The following PCDHA9 variants were observed in gnomAD, a reference collection of about 807,000 sequenced individuals.
PCDHA9 encodes protocadherin alpha-9.
Under a neutral mutation model 62.0 loss-of-function variants are expected in PCDHA9, and 62 were observed. The observed-to-expected ratio is 1.00, with a 90% CI of 0.81 to 1.23. The LOEUF (loss-of-function observed/expected upper bound fraction) is 1.23, where lower values mean the gene tolerates loss of function less well. Among genes scored for constraint, PCDHA9 ranks in the 50% most tolerant of loss-of-function variants. The probability of loss-of-function intolerance (pLI) is 0.00; values close to 1 mark genes in which losing one functional copy is unlikely to be tolerated. For synonymous variants in PCDHA9, 557 were observed against 567.6 expected (o/e 0.98, Z 0.27); for missense variants, 1,205 against 1,249.8 (o/e 0.96, Z 0.54).
intron 1 of PCDHA9, among the ~76,000 whole-genome samples, chr5:140,910,102 A>G (rs1206018595): frequency 2.6e-5 from 4 of 152,184 alleles, no homozygotes; most frequent in African/African-American, 9.7e-5. Context: ...CCTCCCCTTC[A>G]TTTAAGGGAT....
chr5:140,969,781 A>G (rs1017019880), intron 1 of PCDHA9, among the ~76,000 whole-genome samples: 3 of 152,336 alleles, frequency 2.0e-5, no homozygotes, highest in East Asian at 1.9e-4. Flanking sequence ...AGGGGCTATC[A>G]TAGTCACCAC....
At chr5:140,871,228 CTCCTGG>C in intron 1 of PCDHA9, 1 of 1,613,938 alleles carries the variant, frequency 6.2e-7, no homozygotes, top group Non-Finnish European at 8.5e-7. Context: ...GGTGTCCAGC[CTCCTGG>C]TACTCACGCT....
rs1439259875 is a variant in PCDHA9 at position 141,011,882 on chromosome 5, GATTA to G, written c.*1950_*1953del. On this transcript the variant is annotated 3_prime_UTR_variant, in exon 4 of 4. Coordinates refer to ENST00000532602, the MANE Select transcript of PCDHA9 (RefSeq NM_031857.2). ...GTTATAATGTACAATTTAGAAGTTTGATTAATTATATTATCTATTTAGGCATTAA... is the reference window on the plus strand; with the variant it reads ...GTTATAATGTACAATTTAGAAGTTTGATTATATTATCTATTTAGGCATTAA... 2.0e-5 allele frequency: 3 copies of G among 153,360 alleles called. No homozygotes were observed. Among genetic ancestry groups the G allele is most frequent in the Non-Finnish European group, 4.4e-5 (3 of 68,010 alleles). 9.5% of individuals were successfully genotyped at this position (153,360 alleles called of 1,614,324 possible).
rs781930086 is a variant in PCDHA9, at chr5:140,857,347, G to C, written c.2394+6458G>C. On this transcript the variant is annotated intron_variant, in intron 1 of 3. Coordinates refer to ENST00000532602, the MANE Select transcript of PCDHA9 (RefSeq NM_031857.2). The stretch of plus-strand genomic sequence containing the variant: ...CCGCGCGGGACGGGGGCTCGCCTCC[G>C]CTGTGGGCCACGGCCAGCGTGTCTG... 2.9e-5 allele frequency: 46 copies of C among 1,598,352 alleles called. 5 individuals are homozygous for C. In the Admixed American group the frequency reaches 3.4e-4, roughly 12 times the overall value.
In PCDHA9 at chr5:140,849,563, G is replaced by T. The variant is rs2150440707; in HGVS notation, c.1068G>T (p.Ser356=). 1 of 1,598,488 alleles carries T rather than the reference G, an allele frequency of 6.3e-7. No homozygotes were observed. The highest frequency in any genetic ancestry group is 8.6e-7 in the Non-Finnish European group (1 of 1,167,902). The part of the protein sequence containing the change: ...NAPQLTIKTL[S]VPVKEDAQLG... ...CACAGTTGACTATCAAAACGCTCTC[G>T]GTTCCTGTAAAAGAGGACGCACAAC... Residue 356 remains serine, a synonymous_variant, in exon 1 of 4, where the codon TCG becomes TCT. Coordinates refer to ENST00000532602, the MANE Select transcript of PCDHA9 (RefSeq NM_031857.2).
intron 1 of PCDHA9, among the ~76,000 whole-genome samples, chr5:140,915,626 G>GTCTCTC (rs57920489): frequency 0.011 from 1,557 of 146,506 alleles, 25 homozygotes; most frequent in African/African-American, 0.018. Flanking sequence ...GTCTCTTTCT[G>GTCTCTC]TCTCTCTCTC....
intron 1 of PCDHA9, chr5:140,854,002 A>G: frequency 2.5e-6 from 1 of 395,852 alleles, no homozygotes; most frequent in Non-Finnish European, 3.5e-6. Flanking sequence ...ATCTCTGCCA[A>G]AAAAAAAAAA....
Position 140,849,982 on chromosome 5 carries a change from A to T in PCDHA9, c.1487A>T (p.Glu496Val), listed in dbSNP as rs2150461317. 1.9e-6 allele frequency: 3 copies of T among 1,597,430 alleles called. No homozygotes were observed. The highest frequency in any genetic ancestry group is 2.6e-6 in the Non-Finnish European group (3 of 1,167,836). Residue 496 changes from glutamate (E) to valine (V), a missense_variant, in exon 1 of 4, where the codon GAG (glutamate) becomes GTG (valine). Glu to Val is a moderately radical substitution (Grantham distance 121). Around this residue, in one of 3 missense-constraint regions of PCDHA9, gnomAD observed 887 missense variants for 809.5 expected, o/e 1.10. Coordinates refer to ENST00000532602, the MANE Select transcript of PCDHA9 (RefSeq NM_031857.2). ...GCCCTGGTGTCCTACTCGCTGGTGG[A>T]GCGGCGGTTGGGCGAGCGCTCGCTG... ...ENALVSYSLV[E>V]RRLGERSLSS...
At chr5:140,883,240 C>G in intron 1 of PCDHA9, 1 of 1,613,998 alleles carries the variant, frequency 6.2e-7, no homozygotes, top group Non-Finnish European at 8.5e-7. Context: ...AGGCAGTTGA[C>G]AAAGGAAATA....
chr5:140,926,972 C>T (rs782504064), intron 1 of PCDHA9: 1 of 1,609,464 alleles, frequency 6.2e-7, no homozygotes. Context: ...TACTCAGTGC[C>T]GGAGGAGACG....
At chr5:140,958,998 C>T (rs868985322) in intron 1 of PCDHA9, among the ~76,000 whole-genome samples, 5 of 151,906 alleles carry the variant, frequency 3.3e-5, no homozygotes, top group South Asian at 2.1e-4. Flanking sequence ...TAATCTTTTA[C>T]TGTACCTAAT....
At chr5:140,968,673 A>G in intron 1 of PCDHA9, 2 of 1,614,168 alleles carry the variant, frequency 1.2e-6, no homozygotes, top group Non-Finnish European at 1.7e-6. Context: ...TTTAAGGTAG[A>G]GCTGCACACA....
rs545348313 is a variant in PCDHA9, at chr5:140,968,526, C to T, written c.2395-10423C>T. ...ATTCTGTACCCTACCTCAACCAACTCGTCAGCAGCCTTCGAGATGGTGCCT... is the reference window on the plus strand; with the variant it reads ...ATTCTGTACCCTACCTCAACCAACTTGTCAGCAGCCTTCGAGATGGTGCCT... On this transcript the variant is annotated intron_variant, in intron 1 of 3. Transcript: ENST00000532602. 9.9e-6 allele frequency: 16 copies of T among 1,614,200 alleles called. No individual in the cohort carries two copies. The Admixed American group carries it at 1.3e-4, about 13-fold the overall frequency.
intron 1 of PCDHA9, chr5:140,966,748 T>G: frequency 1.4e-6 from 2 of 1,426,956 alleles, no homozygotes; most frequent in Non-Finnish European, 1.8e-6. Flanking sequence ...CCCGGCTGCC[T>G]CCGCCGCGGC....
chr5:140,849,199 A>T lies in PCDHA9; in HGVS notation c.704A>T (p.Asn235Ile), dbSNP rs1581177103. 9.6e-7 allele frequency: 1 copy of T among 1,039,344 alleles called. No homozygotes were observed. Among genetic ancestry groups the T allele is most frequent in the African/African-American group, 2.0e-5 (1 of 49,848 alleles). 64.4% of individuals were successfully genotyped at this position (1,039,344 alleles called of 1,614,324 possible). A position where few individuals can be genotyped will look rare whatever the true frequency, so the allele number is the denominator to read the frequency against. ...CAATTACTCATCACGGTACTGGACA[A>T]CAATGACAATGCCCCAGTGTTCGAC... ...TVQLLITVLDNNDNAPVFDRT... is the reference protein window; with the variant it reads ...TVQLLITVLDINDNAPVFDRT... The change falls in exon 1 of 4, where the codon AAC (asparagine) becomes ATC (isoleucine). Residue 235 changes from asparagine to isoleucine, a missense_variant. Physicochemically the swap from Asn to Ile is moderately radical, Grantham distance 149. Transcript: ENST00000532602.
chr5:140,856,303 G>C (rs1554148515), intron 1 of PCDHA9: 1 of 1,598,648 alleles, frequency 6.3e-7, no homozygotes, highest in Non-Finnish European at 8.6e-7. Flanking sequence ...TTTTGTTTGT[G>C]AATTCTCGGA....
intron 3 of PCDHA9, among the ~76,000 whole-genome samples, chr5:140,999,602 G>A (rs150839481): frequency 5.1e-4 from 78 of 152,202 alleles, no homozygotes; most frequent in African/African-American, 1.9e-3. Flanking sequence ...CTACATCCTG[G>A]GGGACCTTAT....
chr5:140,975,156 G>A (rs1404839334), intron 1 of PCDHA9, among the ~76,000 whole-genome samples: 15 of 152,174 alleles, frequency 9.9e-5, no homozygotes, highest in Non-Finnish European at 2.1e-4. Context: ...AGTTCCTAGA[G>A]AACTGAGGAC....
At chr5:140,897,222 G>A (rs2065939417) in intron 1 of PCDHA9, among the ~76,000 whole-genome samples, 1 of 151,978 alleles carries the variant, frequency 6.6e-6, no homozygotes, top group Non-Finnish European at 1.5e-5. Context: ...TAGGGTACAT[G>A]TGCACAATGT....
Sources: allele counts gnomAD v4.1 joint callset (sites outside exome capture counted in the v4.1 genomes callset), GRCh38; gene constraint gnomAD v4.1.1; regional missense constraint gnomAD v4.1.1; transcripts MANE v1.5; gene names NCBI Gene and HGNC (gene_info 2026-07-23, HGNC 2026-07-21).